The following NAALADL2 variants were observed in gnomAD, a reference collection of about 807,000 sequenced individuals.
NAALADL2 encodes the protein N-acetylated alpha-linked acidic dipeptidase like 2.
In NAALADL2, 76 loss-of-function variants were observed where a neutral mutation model predicts 87.2. That is an observed-to-expected ratio of 0.87 (90% confidence interval 0.72 to 1.05). The LOEUF (loss-of-function observed/expected upper bound fraction) is 1.05. NAALADL2 is among the 50% of genes least tolerant of loss of function. NAALADL2 has a pLI of 0.00. For missense variants in NAALADL2, 1,089 were observed against 945.8 expected, an observed-to-expected ratio of 1.15 and a Z score of -1.99; for synonymous variants, 354 against 331.0, an observed-to-expected ratio of 1.07 and a Z score of -0.75.
Position 174,625,355 on chromosome 3 carries a change from G to A in NAALADL2, c.-115+74718G>A, listed in dbSNP as rs148232307. ...CTACAGCCATAAGCCACCACGCCTGGCCTATAAGTTTATTTGATGTAATGG... is the reference window on the plus strand; with the variant it reads ...CTACAGCCATAAGCCACCACGCCTGACCTATAAGTTTATTTGATGTAATGG... On this transcript the variant is annotated intron_variant, in intron 2 of 3. Coordinates refer to the NAALADL2 transcript ENST00000434257. Among the ~76,000 whole-genome samples, 823 of 151,884 alleles carry A rather than the reference G, an allele frequency of 5.4e-3. 6 individuals are homozygous for A. The highest frequency in any genetic ancestry group is 0.01 in the Middle Eastern group (3 of 292).
intron 1 of NAALADL2, among the ~76,000 whole-genome samples, chr3:174,898,389 TAATA>T (rs987883651): frequency 1.1e-4 from 17 of 151,424 alleles, no homozygotes; most frequent in East Asian, 1.9e-4. Flanking sequence ...AGATAAGTAA[TAATA>T]AATAAATTAA....
chr3:175,413,293 C>A (rs1054795257), intron 5 of NAALADL2, among the ~76,000 whole-genome samples: 67 of 150,448 alleles, frequency 4.5e-4, no homozygotes, highest in Non-Finnish European at 1.6e-4. Context: ...AAAATTAGGC[C>A]GAGCGCGGTG....
chr3:175,349,920 G>C (rs527870846), intron 5 of NAALADL2, among the ~76,000 whole-genome samples: 1 of 151,962 alleles, frequency 6.6e-6, no homozygotes, highest in Non-Finnish European at 1.5e-5. Flanking sequence ...TTGGATGACT[G>C]TTTATTCTAC....
intron 9 of NAALADL2, among the ~76,000 whole-genome samples, chr3:175,501,406 T>C (rs1001244325): frequency 8.4e-6 from 1 of 119,366 alleles, no homozygotes; most frequent in Non-Finnish European, 1.7e-5. Flanking sequence ...AAAGGGAACA[T>C]CTTTTCCATA....
At chr3:174,554,201 G>A (rs1386110686) in intron 2 of NAALADL2, among the ~76,000 whole-genome samples, 3 of 151,952 alleles carry the variant, frequency 2.0e-5, no homozygotes, top group Non-Finnish European at 4.4e-5. Flanking sequence ...CCCATTATGT[G>A]TACTTAGCCT....
At chr3:174,442,343 A>G (rs568825394) in intron 1 of NAALADL2, among the ~76,000 whole-genome samples, 1 of 151,112 alleles carries the variant, frequency 6.6e-6, no homozygotes, top group East Asian at 2.0e-4. Flanking sequence ...CTTAATGGAA[A>G]GGGGAATTAT....
chr3:175,262,999 C>CAAAAAAAA (rs71626206), intron 4 of NAALADL2, among the ~76,000 whole-genome samples: 2 of 128,930 alleles, frequency 1.6e-5, no homozygotes, highest in African/African-American at 2.9e-5. Flanking sequence ...GAAGTAATTG[C>CAAAAAAAA]AAAAAAAAAA....
intron 3 of NAALADL2, among the ~76,000 whole-genome samples, chr3:174,829,009 T>G (rs1722307362): frequency 6.6e-6 from 1 of 152,204 alleles, no homozygotes; most frequent in Admixed American, 6.5e-5. Context: ...CAAATTTTAT[T>G]GAGAGCCTAT....
chr3:175,441,719 G>A (rs1467577679), intron 5 of NAALADL2, among the ~76,000 whole-genome samples: 1 of 151,478 alleles, frequency 6.6e-6, no homozygotes, highest in Non-Finnish European at 1.5e-5. Context: ...GGTGCACAGG[G>A]TTGAGTTGTG....
intron 13 of NAALADL2, among the ~76,000 whole-genome samples, chr3:175,778,286 A>G (rs1280337701): frequency 6.6e-6 from 1 of 152,200 alleles, no homozygotes; most frequent in African/African-American, 2.4e-5. Flanking sequence ...AGGAAAGTAG[A>G]GTAGTTACAG....
intron 1 of NAALADL2, among the ~76,000 whole-genome samples, chr3:174,480,898 C>T (rs75798274): frequency 0.021 from 3,157 of 151,962 alleles, 111 homozygotes; most frequent in African/African-American, 0.065. Context: ...CATACAGGTC[C>T]GACAGGTCAT....
At chr3:175,041,824 C>T (rs188721917) in intron 1 of NAALADL2, among the ~76,000 whole-genome samples, 4 of 152,010 alleles carry the variant, frequency 2.6e-5, no homozygotes, top group East Asian at 1.9e-4. Context: ...TGTACATATT[C>T]GAAAGGTACA....
intron 9 of NAALADL2, among the ~76,000 whole-genome samples, chr3:175,476,810 G>A (rs935942207): frequency 1.5e-5 from 2 of 130,778 alleles, no homozygotes; most frequent in Admixed American, 8.1e-5. Context: ...AAAACAACAC[G>A]TCTGACATTT....
intron 2 of NAALADL2, among the ~76,000 whole-genome samples, chr3:174,710,221 A>G (rs1273824044): frequency 6.9e-6 from 1 of 145,616 alleles, no homozygotes; most frequent in East Asian, 2.0e-4. Flanking sequence ...AACTAGTCAT[A>G]TGAGCCTCCT....
chr3:175,290,784 C>T (rs2110140709), intron 4 of NAALADL2, among the ~76,000 whole-genome samples: 1 of 152,102 alleles, frequency 6.6e-6, no homozygotes, highest in South Asian at 2.1e-4. Flanking sequence ...TCACTATAAC[C>T]ACAGGAGACA....
At chr3:175,049,877 G>A (rs964702975) in intron 1 of NAALADL2, among the ~76,000 whole-genome samples, 2 of 152,204 alleles carry the variant, frequency 1.3e-5, no homozygotes, top group Non-Finnish European at 2.9e-5. Context: ...ATTAAATACA[G>A]CAAGTTCTCA....
chr3:174,482,463 G>C (rs1717612606), intron 1 of NAALADL2, among the ~76,000 whole-genome samples: 1 of 152,050 alleles, frequency 6.6e-6, no homozygotes, highest in Non-Finnish European at 1.5e-5. Context: ...TGCACAGTTA[G>C]AAAGAAGTAA....
At chr3:175,114,346 G>C (rs543083834) in intron 2 of NAALADL2, among the ~76,000 whole-genome samples, 2 of 151,694 alleles carry the variant, frequency 1.3e-5, no homozygotes, top group South Asian at 4.2e-4. Flanking sequence ...AACCCAACCT[G>C]AGAAAAAACC....
At chr3:175,384,590 G>A (rs976888979) in intron 5 of NAALADL2, among the ~76,000 whole-genome samples, 5 of 151,768 alleles carry the variant, frequency 3.3e-5, no homozygotes, top group African/African-American at 9.7e-5. Flanking sequence ...ACTTTTAAAT[G>A]CATGCACCTC....
Sources: gnomAD v4.1 joint callset for allele counts (sites outside exome capture counted in the v4.1 genomes callset) on GRCh38, gnomAD v4.1.1 for gene constraint, MANE v1.5 for transcripts, NCBI Gene and HGNC (gene_info 2026-07-23, HGNC 2026-07-21) for gene names.